PTPRG: variants seen among roughly 807,000 people sequenced by gnomAD.
The protein encoded by PTPRG is protein tyrosine phosphatase receptor type G.
A neutral mutation model predicts 165.3 loss-of-function variants in PTPRG; 102 were observed. The observed-to-expected ratio is 0.62, with a 90% CI of 0.53 to 0.73. The LOEUF is 0.73. PTPRG is among the 30% of genes least tolerant of loss of function. The probability of loss-of-function intolerance (pLI) is 0.00; values close to 1 mark genes in which losing one functional copy is unlikely to be tolerated. For synonymous variants in PTPRG, 675 were observed against 669.5 expected (o/e 1.01, Z -0.13); for missense variants, 1,866 against 1,861.4 (o/e 1.00, Z -0.05).
At chr3:61,845,318 A>T (rs1339549168) in intron 2 of PTPRG, among the ~76,000 whole-genome samples, 1 of 152,226 alleles carries the variant, frequency 6.6e-6, no homozygotes, top group Non-Finnish European at 1.5e-5. Context: ...AATTTAACAA[A>T]TAATTTTAGG....
chr3:61,677,700 AT>A, intron 1 of PTPRG, among the ~76,000 whole-genome samples: 1 of 152,102 alleles, frequency 6.6e-6, no homozygotes, highest in Non-Finnish European at 1.5e-5. Context: ...TCTTACTTTG[AT>A]TTGGAACAAA....
intron 2 of PTPRG, among the ~76,000 whole-genome samples, chr3:61,900,276 T>C (rs1559677695): frequency 6.6e-6 from 1 of 152,184 alleles, no homozygotes; most frequent in Non-Finnish European, 1.5e-5. Flanking sequence ...CCGGTTTGTT[T>C]TGTTTTGTAT....
chr3:62,271,633 C>T lies in PTPRG; in HGVS notation c.3182+78C>T. On this transcript the variant is annotated intron_variant, in intron 21 of 29. Coordinates refer to ENST00000474889, the MANE Select transcript of PTPRG (RefSeq NM_002841.4). The surrounding 1 kb of genome is among the most constrained non-coding windows in gnomAD (Gnocchi z 4.1). ...CAGTGACCTTGGACCACAATGATTG[C>T]TACTGCTTTCACTTAGAAGCTGAAT... The T allele has an allele frequency of 7.6e-7, 1 of 1,323,584 alleles. No homozygotes were observed. The allele number at this position is 1,323,584 out of a possible 1,614,324, so 82.0% of individuals were successfully genotyped here. A position where few individuals can be genotyped will look rare whatever the true frequency, so the allele number is the denominator to read the frequency against.
intron 4 of PTPRG, among the ~76,000 whole-genome samples, chr3:62,014,614 G>T (rs1333690874): frequency 6.6e-6 from 1 of 152,134 alleles, no homozygotes; most frequent in Non-Finnish European, 1.5e-5. Context: ...ATGCCTCTGT[G>T]TTCAGCATGC....
chr3:61,770,097 C>G (rs1219228728), intron 2 of PTPRG: 1 of 152,082 alleles, frequency 6.6e-6, no homozygotes, highest in East Asian at 1.9e-4. Context: ...TGTTCCTTAC[C>G]AATTGTTAAA....
rs1330905072 is a variant in PTPRG at position 62,213,704 on chromosome 3, A to G, written c.2156-5147A>G. On this transcript the variant is annotated intron_variant, in intron 12 of 29. Coordinates refer to ENST00000474889, the MANE Select transcript of PTPRG (RefSeq NM_002841.4). The surrounding 1 kb of genome is among the most constrained non-coding windows in gnomAD (Gnocchi z 4.4). The stretch of plus-strand genomic sequence containing the variant: ...GCTGTTGTACCGAAAGGCCTACAGC[A>G]TGTTCTGGTCTCTGGAGGCCTAGGC... Among the ~76,000 whole-genome samples, 3 of 152,132 alleles carry G rather than the reference A, an allele frequency of 2.0e-5. No individual in the cohort carries two copies. Among genetic ancestry groups the G allele is most frequent in the Non-Finnish European group, 4.4e-5 (3 of 68,032 alleles).
intron 4 of PTPRG, among the ~76,000 whole-genome samples, chr3:62,042,084 G>A (rs1341871344): frequency 6.6e-6 from 1 of 152,186 alleles, no homozygotes; most frequent in Non-Finnish European, 1.5e-5. Flanking sequence ...TAACTGCTTT[G>A]CATGTTGCCT....
chr3:62,084,802 A>G (rs186001784), intron 5 of PTPRG, among the ~76,000 whole-genome samples: 6 of 152,130 alleles, frequency 3.9e-5, no homozygotes, highest in Admixed American at 2.0e-4. Flanking sequence ...TAAAGCTGTT[A>G]TTTTACTTGC....
chr3:61,975,220 A>C (rs1343633269), intron 2 of PTPRG, among the ~76,000 whole-genome samples: 4 of 152,210 alleles, frequency 2.6e-5, no homozygotes, highest in Non-Finnish European at 5.9e-5. Context: ...TTACTAGGGG[A>C]ATGATCTTGG....
chr3:62,255,005 C>T lies in PTPRG; in HGVS notation c.2468-119C>T, dbSNP rs191638327. 137 of 748,412 alleles carry T rather than the reference C, an allele frequency of 1.8e-4. 1 individual carries two copies. The Admixed American group carries it at 3.8e-3, about 21-fold the overall frequency. 46.4% of individuals were successfully genotyped at this position (748,412 alleles called of 1,614,324 possible). A position where few individuals can be genotyped will look rare whatever the true frequency, so the allele number is the denominator to read the frequency against. ...TTCAGGACATCTATTTTGTGTGATA[C>T]AATTATTTTGCTCTTTGCAAAAATC... On this transcript the variant is annotated intron_variant, in intron 15 of 29. Coordinates refer to ENST00000474889, the MANE Select transcript of PTPRG (RefSeq NM_002841.4). This position sits in a 1 kb window ranked among gnomAD's most constrained non-coding sequence, Gnocchi z 4.0.
intron 1 of PTPRG, among the ~76,000 whole-genome samples, chr3:61,738,340 A>G (rs567571478): frequency 0.027 from 1,562 of 58,894 alleles, 36 homozygotes; most frequent in Non-Finnish European, 0.046. Flanking sequence ...ATATATATGT[A>G]TATATATATA....
intron 1 of PTPRG, among the ~76,000 whole-genome samples, chr3:61,582,426 A>G (rs1700321581): frequency 6.6e-6 from 1 of 152,212 alleles, no homozygotes; most frequent in Non-Finnish European, 1.5e-5. Context: ...TCGTCCTGGC[A>G]CAACTCTGAG....
intron 2 of PTPRG, among the ~76,000 whole-genome samples, chr3:61,811,458 A>T (rs2035573824): frequency 6.6e-6 from 1 of 152,214 alleles, no homozygotes. Context: ...AACACAGCAG[A>T]CAAGTTGACT....
At chr3:62,276,305 T>G (rs1702232087) in intron 24 of PTPRG, 1 of 171,066 alleles carries the variant, frequency 5.8e-6, no homozygotes, top group Admixed American at 6.3e-5. Flanking sequence ...TTGGGTTACT[T>G]CTACCATATT....
At chr3:61,562,867 C>G (rs1161567972) in intron 1 of PTPRG, among the ~76,000 whole-genome samples, 1 of 151,778 alleles carries the variant, frequency 6.6e-6, no homozygotes, top group African/African-American at 2.4e-5. Context: ...GGCTAGGTTT[C>G]GGGGAATGGA....
chr3:62,277,458 C>T, intron 25 of PTPRG, 93 bp from the exon 26 acceptor site: 1 of 1,385,660 alleles, frequency 7.2e-7, no homozygotes, highest in Non-Finnish European at 1.0e-6. Flanking sequence ...GTAGTCAAAA[C>T]AGTGCTATCT....
chr3:61,671,958 C>T (rs1456256327), intron 1 of PTPRG, among the ~76,000 whole-genome samples: 17 of 76,570 alleles, frequency 2.2e-4, no homozygotes, highest in Non-Finnish European at 3.7e-4. Context: ...TCCTCACTTC[C>T]CAGACGGGGT....
chr3:62,255,116 C>A lies in PTPRG; in HGVS notation c.2468-8C>A, dbSNP rs1252422327. 6.2e-7 allele frequency: 1 copy of A among 1,600,172 alleles called. No homozygotes were observed. Among genetic ancestry groups the A allele is most frequent in the African/African-American group, 1.3e-5 (1 of 74,464 alleles). ...ATGTAACTTTGAATATTATTTTATTCCCCCCAGATGACATGGAAGCCATTC... is the reference window on the plus strand; with the variant it reads ...ATGTAACTTTGAATATTATTTTATTACCCCCAGATGACATGGAAGCCATTC... On this transcript the variant is annotated splice_polypyrimidine_tract_variant and splice_region_variant and intron_variant, in intron 15 of 29. Coordinates refer to ENST00000474889, the MANE Select transcript of PTPRG (RefSeq NM_002841.4). The surrounding 1 kb of genome is among the most constrained non-coding windows in gnomAD (Gnocchi z 4.0).
chr3:61,741,217 A>G (rs1199509906), intron 1 of PTPRG, among the ~76,000 whole-genome samples: 1 of 152,176 alleles, frequency 6.6e-6, no homozygotes, highest in East Asian at 1.9e-4. Flanking sequence ...TTGTTTGTTG[A>G]TGTGCCATTA....
Sources: allele counts gnomAD v4.1 joint callset (sites outside exome capture counted in the v4.1 genomes callset), GRCh38; gene constraint gnomAD v4.1.1; non-coding constraint Gnocchi (gnomAD v3.1); transcripts MANE v1.5; gene names NCBI Gene and HGNC (gene_info 2026-07-23, HGNC 2026-07-21).